NHSL1: variants seen among roughly 807,000 people sequenced by gnomAD.
NHSL1 encodes NHS like 1.
NHSL1 carries 48 observed loss-of-function variants against 95.0 expected under a neutral mutation model. The observed-to-expected ratio is 0.51, with a 90% CI of 0.40 to 0.64. NHSL1 has a LOEUF of 0.64. Ranked by LOEUF, NHSL1 falls within the 30% of genes least tolerant of loss-of-function variation. The probability of loss-of-function intolerance (pLI) is 0.00; values close to 1 mark genes in which losing one functional copy is unlikely to be tolerated. For missense variants in NHSL1, 1,971 were observed against 2,077.7 expected (o/e 0.95, Z 1.00); for synonymous variants, 783 against 833.9 (o/e 0.94, Z 1.05).
At position 138,692,341 on chromosome 6, in the gene NHSL1, G is replaced by A; in HGVS notation, c.96+135C>T. On this transcript the variant is annotated intron_variant, in intron 1 of 3. Transcript: ENST00000491526. The surrounding 1 kb of genome is among the most constrained non-coding windows in gnomAD (Gnocchi z 4.0). ...CCCAGCCTCCCGCTGGGGTCCGGCA[G>A]TCCCCACTGGAGACCCCGACATCGC... is the stretch of plus-strand genomic sequence containing the variant. The A allele has an allele frequency of 2.8e-6, 1 of 361,434 alleles. No homozygotes were observed. Among genetic ancestry groups the A allele is most frequent in the Non-Finnish European group, 5.5e-6 (1 of 183,382 alleles). The allele number at this position is 361,434 out of a possible 1,614,324, so 22.4% of individuals were successfully genotyped here.
chr6:138,580,886 G>C (rs925336451), intron 1 of NHSL1, among the ~76,000 whole-genome samples: 4 of 152,202 alleles, frequency 2.6e-5, no homozygotes, highest in African/African-American at 9.6e-5. Flanking sequence ...ATAGCCCTGG[G>C]CGGGCTATAA....
At chr6:138,669,432 A>G (rs1377989586) in intron 1 of NHSL1, among the ~76,000 whole-genome samples, 2 of 152,148 alleles carry the variant, frequency 1.3e-5, no homozygotes, top group Non-Finnish European at 2.9e-5. Flanking sequence ...CCGAGTTCCC[A>G]AAGTGCAGGT....
chr6:138,468,920 A>G (rs1457597750), intron 3 of NHSL1, among the ~76,000 whole-genome samples: 1 of 152,248 alleles, frequency 6.6e-6, no homozygotes, highest in Admixed American at 6.5e-5. Flanking sequence ...CATTTGCTTT[A>G]CTGTTACATC....
At chr6:138,640,108 C>G (rs911376544) in intron 1 of NHSL1, among the ~76,000 whole-genome samples, 1 of 152,058 alleles carries the variant, frequency 6.6e-6, no homozygotes, top group African/African-American at 2.4e-5. Flanking sequence ...TCTGAATAAT[C>G]TATAGGTCAA....
At chr6:138,447,568 G>A (rs1353026938) in intron 3 of NHSL1, among the ~76,000 whole-genome samples, 1 of 152,156 alleles carries the variant, frequency 6.6e-6, no homozygotes, top group Non-Finnish European at 1.5e-5. Flanking sequence ...GAGGTCAGGA[G>A]TTCAAGACCA....
Position 138,558,188 on chromosome 6 carries a change from A to T in NHSL1, c.202+13522T>A, listed in dbSNP as rs146360467. Among the ~76,000 whole-genome samples the T allele has an allele frequency of 7.6e-3, 1,114 of 145,778 alleles. 19 individuals are homozygous for T. The highest frequency in any genetic ancestry group is 0.027 in the African/African-American group (1,055 of 39,336). On this transcript the variant is annotated intron_variant, in intron 1 of 6. Coordinates refer to the NHSL1 transcript ENST00000427025. Reference sequence around the variant, plus strand: ...CCCAGGCTGGAGTGCAGTGGTGCGGACTCGGCTGACTGCAACCTCCGCCTC... The same window carrying T: ...CCCAGGCTGGAGTGCAGTGGTGCGGTCTCGGCTGACTGCAACCTCCGCCTC...
At chr6:138,451,420 CCTG>C (rs779730735) in intron 3 of NHSL1, among the ~76,000 whole-genome samples, 5 of 152,090 alleles carry the variant, frequency 3.3e-5, no homozygotes, top group Admixed American at 6.6e-5. Flanking sequence ...ATCCCCTTTC[CCTG>C]CTTTTTTTCT....
rs397888767 is a variant in NHSL1, at chr6:138,520,280, CTTTTTTTTT to C, written c.17-23918_17-23910del. Among the ~76,000 whole-genome samples, 614 of 80,946 alleles carry C rather than the reference CTTTTTTTTT, an allele frequency of 7.6e-3. 5 individuals carry two copies. The highest frequency in any genetic ancestry group is 0.027 in the African/African-American group (589 of 21,588). The allele number at this position is 80,946 out of a possible 152,430, so 53.1% of individuals were successfully genotyped here. A position where few individuals can be genotyped will look rare whatever the true frequency, so the allele number is the denominator to read the frequency against. On this transcript the variant is annotated intron_variant, in intron 1 of 4. Transcript: ENST00000342260. ...CTGGAATACGCTGCCTAGTTTAATT[CTTTTTTTTT>C]TTTTTTTTTTTTTTTTTTGAGATGG... is the stretch of plus-strand genomic sequence containing the variant.
At chr6:138,496,678 T>C (rs549278006) in intron 1 of NHSL1, among the ~76,000 whole-genome samples, 2 of 152,288 alleles carry the variant, frequency 1.3e-5, no homozygotes, top group South Asian at 2.1e-4. Flanking sequence ...TCTGACAGAA[T>C]TGATAGAGAC....
At chr6:138,649,102 C>T (rs752431979) in intron 1 of NHSL1, among the ~76,000 whole-genome samples, 6 of 152,120 alleles carry the variant, frequency 3.9e-5, no homozygotes, top group Non-Finnish European at 7.3e-5. Flanking sequence ...AAAGTGTATA[C>T]GCTACACTTC....
At chr6:138,573,488 G>A (rs139750854), upstream of NHSL1, among the ~76,000 whole-genome samples, 41 of 152,200 alleles carry the variant, frequency 2.7e-4, no homozygotes, top group African/African-American at 9.6e-4. Flanking sequence ...TTTAAAACCA[G>A]AATTTTGCAT....
chr6:138,684,732 G>C (rs1438404776), intron 1 of NHSL1, among the ~76,000 whole-genome samples: 1 of 152,106 alleles, frequency 6.6e-6, no homozygotes, highest in Admixed American at 6.5e-5. Context: ...AGAAGCTCCA[G>C]CTCTTCTACC....
At position 138,433,284 on chromosome 6, in the gene NHSL1, A is replaced by C. The variant is rs1775839197; in HGVS notation, c.1061T>G (p.Phe354Cys). ...TTGTGGGTGACCTCTCTGGTAGAGGAAAGTGCCATTCATGTCTCCTGCAGG... is the reference window on the plus strand; with the variant it reads ...TTGTGGGTGACCTCTCTGGTAGAGGCAAGTGCCATTCATGTCTCCTGCAGG... ...LGPAGDMNGTFLYQRGHPQAD... is the reference protein window; with the variant it reads ...LGPAGDMNGTCLYQRGHPQAD... Residue 354 changes from phenylalanine (F) to cysteine (C), a missense_variant, in exon 6 of 8, where the codon TTC (phenylalanine) becomes TGC (cysteine). Around this residue, in one of 3 missense-constraint regions of NHSL1, gnomAD observed 1,602 missense variants for 1,654.5 expected, o/e 0.97. Transcript: ENST00000343505. 2 of 1,551,580 alleles carry C rather than the reference A, an allele frequency of 1.3e-6. No individual in the cohort carries two copies. The highest frequency in any genetic ancestry group is 1.4e-5 in the African/African-American group (1 of 73,074).
intron 1 of NHSL1, among the ~76,000 whole-genome samples, chr6:138,579,093 G>A (rs1583431556): frequency 6.6e-6 from 1 of 152,142 alleles, no homozygotes; most frequent in African/African-American, 2.4e-5. Context: ...AACAGGGTTC[G>A]CACTCCTATG....
At chr6:138,621,294 C>T (rs1229242752) in intron 1 of NHSL1, among the ~76,000 whole-genome samples, 1 of 152,124 alleles carries the variant, frequency 6.6e-6, no homozygotes, top group African/African-American at 2.4e-5. Context: ...CATGGGAAGT[C>T]AAAGCTTTAA....
intron 1 of NHSL1, among the ~76,000 whole-genome samples, chr6:138,541,005 T>C (rs1323588777): frequency 6.6e-6 from 1 of 152,222 alleles, no homozygotes; most frequent in Non-Finnish European, 1.5e-5. Context: ...AGGTCTGTGA[T>C]GCTTATAAAA....
intron 1 of NHSL1, among the ~76,000 whole-genome samples, chr6:138,678,086 T>C (rs1419374251): frequency 6.6e-6 from 1 of 152,158 alleles, no homozygotes; most frequent in East Asian, 1.9e-4. Context: ...CTCCACTTAT[T>C]AGCAGGAAAA....
At chr6:138,643,224 T>C (rs1031354358) in intron 1 of NHSL1, among the ~76,000 whole-genome samples, 4 of 152,222 alleles carry the variant, frequency 2.6e-5, no homozygotes, top group African/African-American at 9.7e-5. Flanking sequence ...TAGTTCCTTT[T>C]CTAAGACTTT....
chr6:138,432,435 A>T lies in NHSL1; in HGVS notation c.1910T>A (p.Ile637Asn). The part of the protein sequence containing the change: ...DGFGNPRHSV[I>N]NVFVGRAQKN... ...CTGAGCTCTTCCAACAAAAACATTG[A>T]TCACGCTGTGCCTGGGGTTCCCAAA... The change falls in exon 6 of 8, where the codon ATC (isoleucine) becomes AAC (asparagine). Residue 637 changes from isoleucine to asparagine, a missense_variant. Physicochemically the swap from Ile to Asn is moderately radical, Grantham distance 149. Transcript: ENST00000343505. The surrounding 1 kb of genome is among the most constrained non-coding windows in gnomAD (Gnocchi z 4.4). 1 of 1,552,316 alleles carries T rather than the reference A, an allele frequency of 6.4e-7. No individual in the cohort carries two copies. Among genetic ancestry groups the T allele is most frequent in the Non-Finnish European group, 8.7e-7 (1 of 1,147,134 alleles).
Sources: allele counts gnomAD v4.1 joint callset (sites outside exome capture counted in the v4.1 genomes callset), GRCh38; gene constraint gnomAD v4.1.1; regional missense constraint gnomAD v4.1.1; non-coding constraint Gnocchi (gnomAD v3.1); transcripts MANE v1.5; gene names NCBI Gene and HGNC (gene_info 2026-07-23, HGNC 2026-07-21).